Variants in ETHE1 observed in about 807,000 individuals in gnomAD.
ETHE1 encodes ETHE1 persulfide dioxygenase, also known as persulfide dioxygenase ETHE1, mitochondrial.
In ETHE1, 16 loss-of-function variants were observed where a neutral mutation model predicts 25.7. That is an observed-to-expected ratio of 0.62 (90% CI 0.42 to 0.95). The LOEUF (loss-of-function observed/expected upper bound fraction) is 0.95, where lower values mean the gene tolerates loss of function less well. Ranked by LOEUF, ETHE1 falls within the 40% of genes least tolerant of loss-of-function variation. The pLI, the probability that ETHE1 is intolerant of heterozygous loss-of-function variation, is 0.00. For missense variants in ETHE1, 300 were observed against 333.6 expected, an observed-to-expected ratio of 0.90 and a Z score of 0.79; for synonymous variants, 139 against 135.9, an observed-to-expected ratio of 1.02 and a Z score of -0.16.
At chr19:43,518,850 G>A (rs1434775645) in intron 3 of ETHE1, among the ~76,000 whole-genome samples, 2 of 151,288 alleles carry the variant, frequency 1.3e-5, no homozygotes, top group Admixed American at 6.6e-5. Flanking sequence ...AGAGAACCCT[G>A]ACATTCTGCA....
At chr19:43,509,315 G>A (rs1434339352) in intron 4 of ETHE1, among the ~76,000 whole-genome samples, 3 of 151,740 alleles carry the variant, frequency 2.0e-5, no homozygotes, top group Non-Finnish European at 2.9e-5. Flanking sequence ...TGGCCAACAT[G>A]ACAAAACCCT....
At chr19:43,516,819 G>A (rs755949075) in intron 3 of ETHE1, among the ~76,000 whole-genome samples, 2 of 151,710 alleles carry the variant, frequency 1.3e-5, no homozygotes, top group African/African-American at 2.4e-5. Flanking sequence ...TAGTAGAGAC[G>A]AGGTTTCATC....
At chr19:43,506,933 G>A in intron 6 of ETHE1, 31 bp from the exon 7 acceptor site, 1 of 1,613,006 alleles carries the variant, frequency 6.2e-7, no homozygotes, top group East Asian at 2.2e-5. Context: ...TTAAAACTAA[G>A]GGGCCTAGGT....
intron 3 of ETHE1, among the ~76,000 whole-genome samples, chr19:43,515,267 A>T (rs35016410): frequency 0.16 from 24,573 of 151,764 alleles, 2,115 homozygotes; most frequent in Non-Finnish European, 0.19. Context: ...AAATACAAAA[A>T]TTAGCCAGGC....
At chr19:43,514,602 C>CA (rs935365765) in intron 3 of ETHE1, among the ~76,000 whole-genome samples, 1 of 151,418 alleles carries the variant, frequency 6.6e-6, no homozygotes, top group East Asian at 2.0e-4. Context: ...TCTCCTGCCT[C>CA]AGCCTCCTGA....
chr19:43,512,972 G>A (rs1599993437), intron 3 of ETHE1, among the ~76,000 whole-genome samples: 1 of 152,216 alleles, frequency 6.6e-6, no homozygotes, highest in Non-Finnish European at 1.5e-5. Flanking sequence ...AGGACTTGGT[G>A]CCCTGCATCC....
At chr19:43,521,982 G>A (rs531110457) in intron 3 of ETHE1, among the ~76,000 whole-genome samples, 3 of 152,228 alleles carry the variant, frequency 2.0e-5, no homozygotes, top group South Asian at 2.1e-4. Flanking sequence ...AGGCAAGGAG[G>A]ATCGCTTGAG....
intron 4 of ETHE1, 53 bp downstream of exon 4, chr19:43,511,384 T>C: frequency 6.2e-7 from 1 of 1,613,444 alleles, no homozygotes; most frequent in Non-Finnish European, 8.5e-7. Context: ...CTTCAACACT[T>C]GACACACACG....
At chr19:43,523,341 G>A (rs1220888535) in intron 3 of ETHE1, among the ~76,000 whole-genome samples, 1 of 152,062 alleles carries the variant, frequency 6.6e-6, no homozygotes, top group Non-Finnish European at 1.5e-5. Context: ...TGCGATCTTG[G>A]CTCACTGCAA....
intron 3 of ETHE1, among the ~76,000 whole-genome samples, chr19:43,513,033 G>A (rs1568494357): frequency 6.6e-6 from 1 of 152,246 alleles, no homozygotes; most frequent in Middle Eastern, 3.2e-3. Context: ...GCTTCAGAGG[G>A]TGCAAGCCCC....
intron 3 of ETHE1, chr19:43,525,703 C>T (rs1194720001): frequency 2.0e-5 from 4 of 201,150 alleles, no homozygotes; most frequent in African/African-American, 7.1e-5. Flanking sequence ...CTCACAGGTG[C>T]GGACCCTGCA....
At chr19:43,525,937 C>A in intron 3 of ETHE1, 1 of 553,464 alleles carries the variant, frequency 1.8e-6, no homozygotes, top group Non-Finnish European at 3.2e-6. Context: ...AAAGGGCTGC[C>A]CCTAAGCTTT....
chr19:43,518,232 G>C (rs78536772), intron 3 of ETHE1, among the ~76,000 whole-genome samples: 1 of 151,804 alleles, frequency 6.6e-6, no homozygotes, highest in Admixed American at 6.6e-5. Flanking sequence ...AAAAACAGCC[G>C]TAGGCTGGGC....
intron 5 of ETHE1, 75 bp downstream of exon 5, chr19:43,508,700 C>T: frequency 8.0e-7 from 1 of 1,243,782 alleles, no homozygotes; most frequent in Non-Finnish European, 1.2e-6. Flanking sequence ...TCTTCATGCC[C>T]TACAAGGATT....
intron 5 of ETHE1, among the ~76,000 whole-genome samples, chr19:43,508,574 C>T (rs968462394): frequency 1.3e-5 from 2 of 152,150 alleles, no homozygotes; most frequent in African/African-American, 4.8e-5. Context: ...CACTCCTGGG[C>T]TCAAATGAGC....
intron 3 of ETHE1, among the ~76,000 whole-genome samples, chr19:43,515,951 A>G (rs1302345649): frequency 6.6e-6 from 1 of 152,160 alleles, no homozygotes; most frequent in Non-Finnish European, 1.5e-5. Flanking sequence ...ACTCCTATAC[A>G]GCACAGATAC....
At chr19:43,511,372 T>C in intron 4 of ETHE1, 65 bp downstream of exon 4, 1 of 1,610,828 alleles carries the variant, frequency 6.2e-7, no homozygotes, top group Non-Finnish European at 8.5e-7. Context: ...TTGTAACAGA[T>C]ACTTCAACAC....
intron 1 of ETHE1, chr19:43,526,890 G>A: frequency 6.8e-7 from 1 of 1,471,130 alleles, no homozygotes; most frequent in Non-Finnish European, 8.9e-7. Flanking sequence ...CTTTCATAGA[G>A]GACCCAGGGG....
intron 1 of ETHE1, 197 bp downstream of exon 1, chr19:43,526,900 G>T (rs1050852461): frequency 1.4e-6 from 2 of 1,475,940 alleles, no homozygotes; most frequent in African/African-American, 2.8e-5. Flanking sequence ...GGACCCAGGG[G>T]TCTGGCCCCA....
Sources: gnomAD v4.1 joint callset for allele counts (sites outside exome capture counted in the v4.1 genomes callset) on GRCh38, gnomAD v4.1.1 for gene constraint, MANE v1.5 for transcripts, NCBI Gene and HGNC (gene_info 2026-07-23, HGNC 2026-07-21) for gene names.